NLRP9: variants seen among roughly 807,000 people sequenced by gnomAD.
NLRP9 encodes NLR family pyrin domain containing 9, also known as NACHT, LRR and PYD domains-containing protein 9.
Under a neutral mutation model 83.1 loss-of-function variants are expected in NLRP9, and 88 were observed. That is an observed-to-expected ratio of 1.06 (90% CI 0.89 to 1.26). NLRP9 has a LOEUF of 1.26. Among genes scored for constraint, NLRP9 ranks in the 50% most tolerant of loss-of-function variants. NLRP9 has a pLI of 0.00. For synonymous variants in NLRP9, 521 were observed against 447.6 expected (o/e 1.16, Z -2.07); for missense variants, 1,308 against 1,179.3 (o/e 1.11, Z -1.60).
At chr19:55,723,022 G>C (rs536806817) in intron 4 of NLRP9, among the ~76,000 whole-genome samples, 1 of 152,222 alleles carries the variant, frequency 6.6e-6, no homozygotes, top group South Asian at 2.1e-4. Context: ...GGGAGGGAAA[G>C]CATTAGGAGA....
At position 55,732,739 on chromosome 19, in the gene NLRP9, G is replaced by A. The variant is rs1318813676; in HGVS notation, c.1092C>T (p.Thr364=). The A allele has an allele frequency of 6.2e-7, 1 of 1,614,014 alleles. No individual in the cohort carries two copies. Among genetic ancestry groups the A allele is most frequent in the Admixed American group, 1.7e-5 (1 of 60,012 alleles). Residue 364 remains threonine, a synonymous_variant, in exon 2 of 9, where the codon ACC becomes ACT. Transcript: ENST00000332836. ...TTAAAAAGGATGCATATAAATAGGT[G>A]GTGTTTTGGGAGTTTATTTCAAGGT... ...GEDLEINSQN[T]TYLYASFLTT...
chr19:55,708,949 A>G lies in NLRP9; in HGVS notation c.2939T>C (p.Ile980Thr), dbSNP rs756786034. The G allele has an allele frequency of 5.7e-6, 9 of 1,577,122 alleles. 1 individual carries two copies. In the South Asian group the frequency reaches 7.2e-5, roughly 13 times the overall value. The change falls in exon 9 of 9, where the codon ATT (isoleucine) becomes ACT (threonine). Residue 980 changes from isoleucine to threonine, a missense_variant. By Grantham distance (89) the Ile-to-Thr change is moderately conservative (BLOSUM62 -1). Transcript: ENST00000332836. ...PHLTISHGPW[I>T]DEEYKIRGVL... ...ACCCCTGATCTTGTATTCCTCGTCA[A>G]TCCAAGGTCCATGTGAAATGGTCAG...
intron 3 of NLRP9, among the ~76,000 whole-genome samples, chr19:55,728,261 C>T (rs1988458247): frequency 6.6e-6 from 1 of 152,168 alleles, no homozygotes; most frequent in Non-Finnish European, 1.5e-5. Flanking sequence ...TTGGTGGAAA[C>T]TCTCCCAAAG....
intron 6 of NLRP9, among the ~76,000 whole-genome samples, chr19:55,713,849 C>G (rs1987904551): frequency 1.4e-5 from 1 of 71,688 alleles, no homozygotes; most frequent in Non-Finnish European, 2.8e-5. Flanking sequence ...ACTTCCATCC[C>G]CTCTTCCCCT....
chr19:55,726,123 C>G (rs1020653355), intron 3 of NLRP9, among the ~76,000 whole-genome samples: 4 of 152,104 alleles, frequency 2.6e-5, no homozygotes, highest in Admixed American at 6.6e-5. Flanking sequence ...TATCCGGCCT[C>G]CAAGCCACCA....
rs543656723 is a variant in NLRP9, at chr19:55,733,253, A to G, written c.578T>C (p.Ile193Thr). Residue 193 changes from isoleucine (I) to threonine (T), a missense_variant, in exon 2 of 9, where the codon ATC becomes ACC. By Grantham distance (89) the Ile-to-Thr change is moderately conservative. Transcript: ENST00000332836. ...GAGCTCCAGTAAGCTGGTCTCTGCG[A>G]TACCGTTCATTTCACAGACATTGAG... ...FFLNVCEMNG[I>T]AETSLLELLS... The G allele has an allele frequency of 1.9e-6, 3 of 1,613,506 alleles. No individual in the cohort carries two copies. In the African/African-American group the frequency reaches 4.0e-5, roughly 22 times the overall value.
At chr19:55,717,282 C>T (rs1027827403) in intron 4 of NLRP9, among the ~76,000 whole-genome samples, 2 of 152,162 alleles carry the variant, frequency 1.3e-5, no homozygotes, top group Non-Finnish European at 1.5e-5. Context: ...ATCTGCCCAC[C>T]TCGGCCTCCC....
At chr19:55,729,044 CTTTTTCT>C (rs1324951368) in intron 3 of NLRP9, among the ~76,000 whole-genome samples, 13 of 98,268 alleles carry the variant, frequency 1.3e-4, no homozygotes, top group Middle Eastern at 5.8e-3. Context: ...TCTTATTTTT[CTTTTTCT>C]TTTTTTTTTT....
intron 1 of NLRP9, among the ~76,000 whole-genome samples, chr19:55,734,090 G>C (rs2122337168): frequency 3.3e-5 from 5 of 151,712 alleles, no homozygotes; most frequent in Admixed American, 3.3e-4. Context: ...GCATGGTTAA[G>C]TTTTTTGTAT....
At chr19:55,718,168 C>T (rs1988091478) in intron 4 of NLRP9, among the ~76,000 whole-genome samples, 1 of 152,184 alleles carries the variant, frequency 6.6e-6, no homozygotes, top group East Asian at 1.9e-4. Flanking sequence ...CTCGATTAAC[C>T]AGGGACACAA....
At position 55,724,061 on chromosome 19, in the gene NLRP9, T is replaced by TA. The variant is rs762510632; in HGVS notation, c.2077dup (p.Tyr693LeufsTer4). On this transcript the variant is annotated frameshift_variant, in exon 4 of 9. Coordinates refer to ENST00000332836, the MANE Select transcript of NLRP9 (RefSeq NM_176820.4). LOFTEE classifies it high-confidence loss of function. Reference sequence around the variant, plus strand: ...GTCAGACTGGGAGAGGCTAGTGCCGTACAGGCTCAGAAGTTTCAGATGAGG... The same window carrying TA: ...GTCAGACTGGGAGAGGCTAGTGCCGTAACAGGCTCAGAAGTTTCAGATGAGG... The TA allele has an allele frequency of 6.2e-7, 1 of 1,613,776 alleles. No individual in the cohort carries two copies. Among genetic ancestry groups the TA allele is most frequent in the Non-Finnish European group, 8.5e-7 (1 of 1,179,676 alleles).
chr19:55,736,841 T>C (rs914511946), intron 1 of NLRP9, among the ~76,000 whole-genome samples: 3 of 112,304 alleles, frequency 2.7e-5, no homozygotes, highest in Admixed American at 8.6e-5. Context: ...CTCAAAAAAA[T>C]AAAACAAAAA....
At chr19:55,738,062 C>A in intron 1 of NLRP9, 33 bp downstream of exon 1, 1 of 1,606,676 alleles carries the variant, frequency 6.2e-7, no homozygotes, top group Non-Finnish European at 8.5e-7. Flanking sequence ...CAGGCTTCCC[C>A]CATGGGTCCT....
At position 55,708,826 on chromosome 19, in the gene NLRP9, GCAATT is replaced by G; in HGVS notation, c.*81_*85del. 4.6e-6 allele frequency: 4 copies of G among 873,502 alleles called. No individual in the cohort carries two copies. The highest frequency in any genetic ancestry group is 6.8e-6 in the Non-Finnish European group (4 of 584,414). The allele number at this position is 873,502 out of a possible 1,614,324, so 54.1% of individuals were successfully genotyped here. A position where few individuals can be genotyped will look rare whatever the true frequency, so the allele number is the denominator to read the frequency against. On this transcript the variant is annotated 3_prime_UTR_variant, in exon 9 of 9. Transcript: ENST00000332836. ...AATCACAGCCCTGCTGCCATGATGT[GCAATT>G]ACAGGATAGAGGTGCCAGGTGAAGG...
At chr19:55,711,088 A>AAAAAC (rs898553786) in intron 8 of NLRP9, among the ~76,000 whole-genome samples, 4 of 122,250 alleles carry the variant, frequency 3.3e-5, no homozygotes, top group Admixed American at 7.4e-5. Flanking sequence ...TCTGCCTCAA[A>AAAAAC]AAAACAAAAC....
At chr19:55,737,107 G>T (rs982937716) in intron 1 of NLRP9, among the ~76,000 whole-genome samples, 34 of 151,882 alleles carry the variant, frequency 2.2e-4, no homozygotes, top group African/African-American at 8.2e-4. Context: ...AGTATCCCCC[G>T]AGAGGAGGGT....
At position 55,708,797 on chromosome 19, in the gene NLRP9, C is replaced by T. The variant is rs953876990; in HGVS notation, c.*115G>A. The T allele has an allele frequency of 1.5e-6, 1 of 681,974 alleles. No homozygotes were observed. Among genetic ancestry groups the T allele is most frequent in the Non-Finnish European group, 2.4e-6 (1 of 416,316 alleles). 42.2% of individuals were successfully genotyped at this position (681,974 alleles called of 1,614,324 possible). ...TTGCTAGAACACTTAGGGAGTACCT[C>T]TGAAATCACAGCCCTGCTGCCATGA... On this transcript the variant is annotated 3_prime_UTR_variant, in exon 9 of 9. Coordinates refer to ENST00000332836, the MANE Select transcript of NLRP9 (RefSeq NM_176820.4).
At chr19:55,712,139 T>G (rs1987758810) in intron 7 of NLRP9, among the ~76,000 whole-genome samples, 169 bp from the exon 8 acceptor site, 2 of 152,114 alleles carry the variant, frequency 1.3e-5, no homozygotes, top group Admixed American at 6.6e-5. Flanking sequence ...CTAGTGACCT[T>G]TATCCCAACT....
chr19:55,711,092 ACAAAAC>A (rs1568590651), intron 8 of NLRP9, among the ~76,000 whole-genome samples: 4 of 119,710 alleles, frequency 3.3e-5, no homozygotes, highest in African/African-American at 1.7e-4. Context: ...CCTCAAAAAA[ACAAAAC>A]AAAACAAAAC....
Sources: allele counts gnomAD v4.1 joint callset (sites outside exome capture counted in the v4.1 genomes callset), GRCh38; gene constraint gnomAD v4.1.1; transcripts MANE v1.5; gene names NCBI Gene and HGNC (gene_info 2026-07-23, HGNC 2026-07-21).